IFT46: variants seen among roughly 807,000 people sequenced by gnomAD.
IFT46 encodes the protein intraflagellar transport protein 46 homolog.
Under a neutral mutation model 39.6 loss-of-function variants are expected in IFT46, and 19 were observed. The ratio of observed to expected loss-of-function variants is 0.48; its 90% CI spans 0.33 to 0.70. IFT46 has a LOEUF of 0.70. IFT46 is among the 30% of genes least tolerant of loss of function. The pLI is 0.01. For synonymous variants in IFT46, 117 were observed against 134.8 expected (o/e 0.87, Z 0.91); for missense variants, 334 against 364.8 (o/e 0.92, Z 0.69).
chr11:118,548,367 CT>C (rs58602089), intron 9 of IFT46, among the ~76,000 whole-genome samples: 16,303 of 129,306 alleles, frequency 0.13, 687 homozygotes, highest in East Asian at 0.4. Flanking sequence ...TCCATTACGA[CT>C]TTTTTTTTTT....
At chr11:118,557,387 C>A in intron 3 of IFT46, 1 of 393,864 alleles carries the variant, frequency 2.5e-6, no homozygotes, top group Non-Finnish European at 4.5e-6. Context: ...AAGAGGATGG[C>A]AACTCTAGTT....
intron 1 of IFT46, chr11:118,572,283 T>TACACC (rs1159804979): frequency 4.1e-6 from 2 of 492,158 alleles, no homozygotes; most frequent in Non-Finnish European, 7.3e-6. Context: ...GAACGCCCCC[T>TACACC]ACACCTCCTG....
upstream of IFT46, among the ~76,000 whole-genome samples, chr11:118,575,273 C>T (rs560971278): frequency 6.6e-5 from 10 of 152,246 alleles, no homozygotes; most frequent in South Asian, 4.1e-4. Flanking sequence ...CCATGGCGCC[C>T]GGCCCCTGTA....
chr11:118,575,225 G>A (rs1287938103), upstream of IFT46, among the ~76,000 whole-genome samples: 2 of 152,142 alleles, frequency 1.3e-5, no homozygotes, highest in Non-Finnish European at 2.9e-5. Context: ...TGATCTGCCC[G>A]CCTCGGCCTC....
chr11:118,556,214 G>A (rs560795978), intron 4 of IFT46, among the ~76,000 whole-genome samples: 1 of 152,194 alleles, frequency 6.6e-6, no homozygotes, highest in African/African-American at 2.4e-5. Flanking sequence ...TTGGGCGGCC[G>A]GGTGCAGTGG....
chr11:118,557,159 G>A, intron 3 of IFT46, 114 bp from the exon 4 acceptor site: 1 of 963,568 alleles, frequency 1.0e-6, no homozygotes, highest in Non-Finnish European at 1.4e-6. Context: ...CTCGTCACCA[G>A]AAAGAGAAGG....
rs1250556646 is a variant in IFT46 at position 118,544,569 on chromosome 11, AACTT to A, written c.*343_*346del. 1.3e-5 allele frequency: 3 copies of A among 238,458 alleles called. No individual in the cohort carries two copies. In the East Asian group the frequency reaches 2.9e-4, roughly 23 times the overall value. 14.8% of individuals were successfully genotyped at this position (238,458 alleles called of 1,614,324 possible). ...TTGATTTATAAAATCTTTACTCACT[AACTT>A]TACGAATGAAAGAAAACAATTCCAT... On this transcript the variant is annotated 3_prime_UTR_variant, in exon 12 of 12. Coordinates refer to ENST00000264021, the MANE Select transcript of IFT46 (RefSeq NM_001168618.2).
upstream of IFT46, among the ~76,000 whole-genome samples, chr11:118,566,564 A>G (rs11216902): frequency 0.16 from 24,898 of 152,100 alleles, 2,550 homozygotes; most frequent in East Asian, 0.5. Context: ...GTGGTGGCGG[A>G]CGCCTGTAGT....
At chr11:118,556,501 A>G (rs1400909274) in intron 4 of IFT46, among the ~76,000 whole-genome samples, 2 of 152,124 alleles carry the variant, frequency 1.3e-5, no homozygotes, top group African/African-American at 4.8e-5. Flanking sequence ...TCAAAAAAAA[A>G]ATAAAATTTT....
At position 118,552,320 on chromosome 11, in the gene IFT46, T is replaced by C. The variant is rs570006998; in HGVS notation, c.499A>G (p.Lys167Glu). 1.1e-5 allele frequency: 17 copies of C among 1,614,250 alleles called. 1 individual carries two copies. In the East Asian group the frequency reaches 3.8e-4, roughly 36 times the overall value. ...TTCTTTTCTGCATCTTCTAGGCTTT[T>C]TACTTTCATATGTTGCTAGGAAAGT... ...QHNITQHMKV[K>E]SLEDAEKNPK... Residue 167 changes from lysine (K) to glutamate (E), a missense_variant, in exon 8 of 12, where the codon AAA becomes GAA. Physicochemically the swap from Lys to Glu is moderately conservative, Grantham distance 56. Coordinates refer to ENST00000264021, the MANE Select transcript of IFT46 (RefSeq NM_001168618.2).
rs782170507 is a variant in IFT46, at chr11:118,554,483, C to A, written c.459G>T (p.Glu153Asp). 3 of 1,611,704 alleles carry A rather than the reference C, an allele frequency of 1.9e-6. No homozygotes were observed. Among genetic ancestry groups the A allele is most frequent in the Non-Finnish European group, 2.5e-6 (3 of 1,179,256 alleles). ...CTGTGATGTTGTGCTGCTTAGAATT[C>A]TCTGTTAACCAGAGTGAGAGCACCG... The part of the protein sequence containing the change: ...DPTVLSLWLT[E>D]NSKQHNITQH... Residue 153 changes from glutamate to aspartate, a missense_variant, in exon 7 of 12, where the codon GAG becomes GAT. Coordinates refer to ENST00000264021, the MANE Select transcript of IFT46 (RefSeq NM_001168618.2).
At chr11:118,545,541 GA>G in intron 10 of IFT46, 47 bp from the exon 11 acceptor site, 1 of 1,474,524 alleles carries the variant, frequency 6.8e-7, no homozygotes. Context: ...CAAACTCCGG[GA>G]ATTAGAGGCC....
chr11:118,574,311 A>G (rs1938430576), upstream of IFT46, among the ~76,000 whole-genome samples: 1 of 152,176 alleles, frequency 6.6e-6, no homozygotes, highest in Admixed American at 6.5e-5. Context: ...CTGCTCCTTT[A>G]CAAACAGATC....
At chr11:118,570,905 C>T (rs183783557), upstream of IFT46, among the ~76,000 whole-genome samples, 3 of 152,024 alleles carry the variant, frequency 2.0e-5, no homozygotes, top group Admixed American at 1.3e-4. Flanking sequence ...CTATCTAGTT[C>T]CAGAACTATT....
At chr11:118,563,738 C>G (rs1411236686) in intron 2 of IFT46, among the ~76,000 whole-genome samples, 1 of 152,194 alleles carries the variant, frequency 6.6e-6, no homozygotes, top group African/African-American at 2.4e-5. Flanking sequence ...CTACCATAAG[C>G]TGGTCTCTTT....
At chr11:118,551,028 C>CAAA (rs202115759) in intron 9 of IFT46, among the ~76,000 whole-genome samples, 2 of 88,708 alleles carry the variant, frequency 2.3e-5, no homozygotes, top group African/African-American at 3.8e-5. Context: ...GAGACTGCCT[C>CAAA]AAAAAAAAAA....
chr11:118,566,537 C>A (rs1938230722), upstream of IFT46, among the ~76,000 whole-genome samples: 1 of 151,898 alleles, frequency 6.6e-6, no homozygotes, highest in Admixed American at 6.6e-5. Flanking sequence ...CTAAAAAATT[C>A]AAAAAATTAG....
rs373413487 is a variant in IFT46 at position 118,546,100 on chromosome 11, A to G, written c.673-247T>C. On this transcript the variant is annotated intron_variant, in intron 9 of 11. Coordinates refer to ENST00000264021, the MANE Select transcript of IFT46 (RefSeq NM_001168618.2). ...TCATTAGGGTGGGCCTTAATCCAGT[A>G]TGACTGGTGTCCTTATAGGAAGAAG... 852 of 718,536 alleles carry G rather than the reference A, an allele frequency of 1.2e-3. 2 individuals are homozygous for G. The highest frequency in any genetic ancestry group is 1.9e-3 in the Non-Finnish European group (735 of 385,094). 44.5% of individuals were successfully genotyped at this position (718,536 alleles called of 1,614,324 possible).
intron 9 of IFT46, among the ~76,000 whole-genome samples, chr11:118,550,595 G>A (rs1050232639): frequency 6.6e-6 from 1 of 152,110 alleles, no homozygotes; most frequent in Non-Finnish European, 1.5e-5. Flanking sequence ...CTACAGGCAT[G>A]AGCCACTGTG....
Sources: gnomAD v4.1 joint callset for allele counts (sites outside exome capture counted in the v4.1 genomes callset) on GRCh38, gnomAD v4.1.1 for gene constraint, MANE v1.5 for transcripts, NCBI Gene and HGNC (gene_info 2026-07-23, HGNC 2026-07-21) for gene names.